Variants in MEMO1 observed in about 807,000 individuals in gnomAD.
MEMO1 encodes mediator of cell motility 1.
MEMO1 carries 6 observed loss-of-function variants against 45.2 expected under a neutral mutation model. That is an observed-to-expected ratio of 0.13 (90% CI 0.07 to 0.26). The LOEUF is 0.26. Among genes scored for constraint, MEMO1 ranks in the 10% least tolerant of loss-of-function variants. MEMO1 has a pLI of 1.00. For synonymous variants in MEMO1, 78 were observed against 124.3 expected (o/e 0.63, Z 2.48); for missense variants, 184 against 370.5 (o/e 0.50, Z 4.13).
intron 2 of MEMO1, among the ~76,000 whole-genome samples, chr2:31,970,987 G>C (rs1015537635): frequency 6.6e-6 from 1 of 152,196 alleles, no homozygotes; most frequent in Admixed American, 6.5e-5. Flanking sequence ...CTGGGTGACA[G>C]AGCGAGACTC....
intron 7 of MEMO1, among the ~76,000 whole-genome samples, chr2:31,885,115 ATTTTTCTT>A (rs1330797935): frequency 1.6e-4 from 25 of 151,924 alleles, no homozygotes; most frequent in Admixed American, 1.6e-3. Flanking sequence ...AATTGACACT[ATTTTTCTT>A]TTTTTCTTTT....
At chr2:31,975,328 G>C (rs747443273) in intron 2 of MEMO1, among the ~76,000 whole-genome samples, 11 of 152,206 alleles carry the variant, frequency 7.2e-5, no homozygotes, top group Non-Finnish European at 1.5e-5. Context: ...CTGAGACAAA[G>C]CTCCTTTAGA....
At chr2:31,906,933 T>G (rs976906305) in intron 6 of MEMO1, among the ~76,000 whole-genome samples, 2 of 152,082 alleles carry the variant, frequency 1.3e-5, no homozygotes, top group African/African-American at 4.8e-5. Flanking sequence ...ATAAAAAAAT[T>G]TTTTTCTAAC....
chr2:32,003,393 T>C (rs1008440230), intron 2 of MEMO1, among the ~76,000 whole-genome samples: 3 of 152,248 alleles, frequency 2.0e-5, no homozygotes, highest in African/African-American at 4.8e-5. Context: ...CCATCAATAA[T>C]ATAACCACTA....
chr2:31,970,233 G>A (rs1479947332), intron 2 of MEMO1, among the ~76,000 whole-genome samples: 2 of 152,006 alleles, frequency 1.3e-5, no homozygotes, highest in East Asian at 1.9e-4. Flanking sequence ...GCCTCCCAAA[G>A]TGCTGAGATT....
intron 2 of MEMO1, among the ~76,000 whole-genome samples, chr2:31,992,685 G>A (rs1672090892): frequency 6.6e-6 from 1 of 152,198 alleles, no homozygotes; most frequent in Admixed American, 6.5e-5. Context: ...TCGGGAGACT[G>A]AGGCAGGAGA....
intron 2 of MEMO1, among the ~76,000 whole-genome samples, chr2:31,993,741 C>T (rs935089999): frequency 2.0e-5 from 3 of 152,086 alleles, no homozygotes. Context: ...GAGCTATCAC[C>T]AGTCTGAGTG....
intron 2 of MEMO1, among the ~76,000 whole-genome samples, chr2:32,000,514 G>A (rs1307674844): frequency 6.6e-6 from 1 of 152,096 alleles, no homozygotes; most frequent in Non-Finnish European, 1.5e-5. Flanking sequence ...ACAGGCGTGA[G>A]CCACCGTGCC....
chr2:31,909,743 A>G (rs1047338260), intron 6 of MEMO1, among the ~76,000 whole-genome samples: 4 of 152,180 alleles, frequency 2.6e-5, no homozygotes, highest in African/African-American at 2.4e-5. Context: ...ACATTCTTCA[A>G]AGAAATTTTT....
intron 3 of MEMO1, among the ~76,000 whole-genome samples, chr2:31,938,660 T>C (rs1248667834): frequency 6.6e-6 from 1 of 151,124 alleles, no homozygotes; most frequent in Non-Finnish European, 1.5e-5. Context: ...AATAAAAAAA[T>C]AAAAAATAAA....
At chr2:32,010,370 G>C (rs1284359026) in intron 1 of MEMO1, 106 bp from the exon 2 acceptor site, 1 of 451,714 alleles carries the variant, frequency 2.2e-6, no homozygotes, top group Non-Finnish European at 4.0e-6. Context: ...GCGGCAGCGG[G>C]GAGGGGATCA....
intron 3 of MEMO1, among the ~76,000 whole-genome samples, chr2:31,933,351 T>TAAAA (rs869274123): frequency 2.7e-4 from 12 of 45,088 alleles, no homozygotes; most frequent in Admixed American, 4.6e-4. Context: ...AAAAAAAAAT[T>TAAAA]TATATATATA....
At chr2:31,902,973 T>C (rs1679088655) in intron 6 of MEMO1, among the ~76,000 whole-genome samples, 1 of 152,104 alleles carries the variant, frequency 6.6e-6, no homozygotes, top group Non-Finnish European at 1.5e-5. Flanking sequence ...ATACACGCGA[T>C]AAGAAAACAT....
At chr2:31,982,311 G>T (rs1178283733) in intron 2 of MEMO1, among the ~76,000 whole-genome samples, 3 of 148,746 alleles carry the variant, frequency 2.0e-5, no homozygotes, top group Admixed American at 6.8e-5. Flanking sequence ...AAAAAAAAAG[G>T]CCAGACGCGG....
chr2:31,918,392 TC>T (rs1681780632), intron 5 of MEMO1, among the ~76,000 whole-genome samples: 1 of 152,224 alleles, frequency 6.6e-6, no homozygotes, highest in South Asian at 2.1e-4. Context: ...TCTAGGCTTT[TC>T]CTTGACTTTA....
chr2:31,909,063 C>T (rs1245495446), intron 6 of MEMO1, among the ~76,000 whole-genome samples: 2 of 152,138 alleles, frequency 1.3e-5, no homozygotes, highest in Admixed American at 6.5e-5. Flanking sequence ...GGACTTGGAC[C>T]TCATCTAACA....
intron 6 of MEMO1, among the ~76,000 whole-genome samples, chr2:31,896,511 C>T (rs1302744819): frequency 1.3e-5 from 2 of 152,068 alleles, no homozygotes; most frequent in East Asian, 3.9e-4. Context: ...ACTTTATTTA[C>T]AAAAGTAGGC....
chr2:32,002,068 C>CGATTG (rs1673389487), intron 2 of MEMO1, among the ~76,000 whole-genome samples: 1 of 146,314 alleles, frequency 6.8e-6, no homozygotes, highest in Non-Finnish European at 1.5e-5. Context: ...ATCGCTTGAA[C>CGATTG]CAGGAGGCAG....
At chr2:32,010,708 A>C (rs897835913) in intron 1 of MEMO1, among the ~76,000 whole-genome samples, 144 of 63,540 alleles carry the variant, frequency 2.3e-3, no homozygotes, top group South Asian at 8.4e-3. Context: ...CCCCGCACCC[A>C]CCCCCACCCC....
Sources: gnomAD v4.1 joint callset for allele counts (sites outside exome capture counted in the v4.1 genomes callset) on GRCh38, gnomAD v4.1.1 for gene constraint, MANE v1.5 for transcripts, NCBI Gene and HGNC (gene_info 2026-07-23, HGNC 2026-07-21) for gene names.